Variants in CNTN6 observed in about 807,000 individuals in gnomAD.
CNTN6 encodes contactin 6, also known as contactin-6.
In CNTN6, 137 loss-of-function variants were observed where a neutral mutation model predicts 122.8. The observed-to-expected ratio is 1.12, with a 90% CI of 0.97 to 1.29. The LOEUF is 1.29. Among genes scored for constraint, CNTN6 ranks in the 50% most tolerant of loss-of-function variants. The pLI is 0.00. For missense variants in CNTN6, 1,634 were observed against 1,223.4 expected, an observed-to-expected ratio of 1.34 and a Z score of -5.01; for synonymous variants, 570 against 426.0, an observed-to-expected ratio of 1.34 and a Z score of -4.16.
intron 4 of CNTN6, among the ~76,000 whole-genome samples, chr3:1,230,286 C>T (rs1231581176): frequency 3.3e-5 from 5 of 152,050 alleles, no homozygotes; most frequent in Admixed American, 3.3e-4. Flanking sequence ...TTCTTAACAA[C>T]GTTAAGCTTC....
intron 12 of CNTN6, among the ~76,000 whole-genome samples, chr3:1,361,490 A>G (rs767920603): frequency 2.0e-5 from 3 of 152,282 alleles, no homozygotes; most frequent in African/African-American, 7.2e-5. Flanking sequence ...ATGATTGAAT[A>G]AACAATTAGT....
At chr3:1,366,328 T>G (rs553190116) in intron 12 of CNTN6, among the ~76,000 whole-genome samples, 18 of 152,290 alleles carry the variant, frequency 1.2e-4, no homozygotes, top group Non-Finnish European at 2.4e-4. Flanking sequence ...ACTTTCCTCC[T>G]TTTTAATTTG....
In CNTN6 at chr3:1,291,606, G is replaced by T. The variant is rs17037225; in HGVS notation, c.455-3995G>T. On this transcript the variant is annotated intron_variant, in intron 5 of 22. Transcript: ENST00000446702. Reference sequence around the variant, plus strand: ...AAGATTGTCTTTGTTTCACAAAAAGGTTCAAAAGATGAGGAGTCAATGACA... The same window carrying T: ...AAGATTGTCTTTGTTTCACAAAAAGTTTCAAAAGATGAGGAGTCAATGACA... Among the ~76,000 whole-genome samples the T allele has an allele frequency of 1.0e-2, 1,517 of 152,254 alleles. 33 individuals carry two copies. Among genetic ancestry groups the T allele is most frequent in the African/African-American group, 0.035 (1,444 of 41,562 alleles).
intron 12 of CNTN6, among the ~76,000 whole-genome samples, chr3:1,358,539 G>A (rs956186338): frequency 4.0e-5 from 6 of 151,602 alleles, no homozygotes; most frequent in African/African-American, 1.5e-4. Context: ...TCAGTCTCTG[G>A]ATCCTGAATA....
intron 1 of CNTN6, among the ~76,000 whole-genome samples, chr3:1,103,054 C>A (rs541857156): frequency 0.024 from 3,339 of 141,686 alleles, 46 homozygotes; most frequent in Admixed American, 0.03. Flanking sequence ...TGCAGTGAGC[C>A]AAGATGGCGC....
intron 11 of CNTN6, among the ~76,000 whole-genome samples, chr3:1,338,172 CAAAG>C (rs1021609854): frequency 8.6e-5 from 13 of 152,026 alleles, no homozygotes; most frequent in African/African-American, 2.9e-4. Context: ...TAGGAGAAAA[CAAAG>C]AAGTTTCACA....
chr3:1,102,985 G>A (rs9821388), intron 1 of CNTN6, among the ~76,000 whole-genome samples: 11,369 of 140,482 alleles, frequency 0.081, 1,285 homozygotes, highest in African/African-American at 0.25. Flanking sequence ...CGGCGCCTGT[G>A]GTCCCAGCTA....
At chr3:1,214,972 C>T (rs534768338) in intron 2 of CNTN6, among the ~76,000 whole-genome samples, 325 of 152,176 alleles carry the variant, frequency 2.1e-3, no homozygotes, top group African/African-American at 7.3e-3. Flanking sequence ...TACCCAGGCT[C>T]GGTCTCAAAC....
At chr3:1,268,425 G>A (rs545858532) in intron 4 of CNTN6, among the ~76,000 whole-genome samples, 1 of 152,040 alleles carries the variant, frequency 6.6e-6, no homozygotes, top group Admixed American at 6.5e-5. Flanking sequence ...GGTTAATGTG[G>A]TGAAACCCCG....
intron 19 of CNTN6, among the ~76,000 whole-genome samples, chr3:1,384,630 G>C (rs1374774018): frequency 8.7e-5 from 13 of 149,478 alleles, no homozygotes; most frequent in Admixed American, 8.0e-4. Flanking sequence ...TTTGGATTTA[G>C]AATAAATGTA....
At chr3:1,180,344 C>G (rs2093531326) in intron 2 of CNTN6, among the ~76,000 whole-genome samples, 2 of 152,182 alleles carry the variant, frequency 1.3e-5, no homozygotes, top group Non-Finnish European at 2.9e-5. Flanking sequence ...TGTTGACACA[C>G]AGGCAGTGCT....
At chr3:1,238,999 C>T (rs565861600) in intron 4 of CNTN6, among the ~76,000 whole-genome samples, 2 of 152,080 alleles carry the variant, frequency 1.3e-5, no homozygotes, top group South Asian at 2.1e-4. Flanking sequence ...TTATTGAAGG[C>T]TACTATGAAC....
At chr3:1,338,517 T>C (rs1199632395) in intron 11 of CNTN6, among the ~76,000 whole-genome samples, 1 of 152,178 alleles carries the variant, frequency 6.6e-6, no homozygotes, top group Non-Finnish European at 1.5e-5. Context: ...ATTTTATCTC[T>C]GTTCCACCCC....
intron 4 of CNTN6, among the ~76,000 whole-genome samples, chr3:1,239,920 T>C (rs942487934): frequency 6.6e-6 from 1 of 152,058 alleles, no homozygotes; most frequent in Admixed American, 6.6e-5. Flanking sequence ...ATATGCAGTG[T>C]GGAAAGGACA....
At chr3:1,224,904 C>T (rs2094259590) in intron 3 of CNTN6, among the ~76,000 whole-genome samples, 1 of 152,084 alleles carries the variant, frequency 6.6e-6, no homozygotes, top group African/African-American at 2.4e-5. Context: ...TGCCACTATG[C>T]CCGGCTAATT....
At chr3:1,101,661 A>C (rs992325908) in intron 1 of CNTN6, among the ~76,000 whole-genome samples, 3 of 152,172 alleles carry the variant, frequency 2.0e-5, no homozygotes, top group Non-Finnish European at 4.4e-5. Context: ...TATATAATCT[A>C]ATAAGAAATG....
intron 1 of CNTN6, among the ~76,000 whole-genome samples, chr3:1,112,602 T>C (rs997112734): frequency 6.6e-6 from 1 of 152,166 alleles, no homozygotes; most frequent in African/African-American, 2.4e-5. Context: ...GATAGGATTG[T>C]GCCCACCCAC....
At chr3:1,131,441 G>A (rs575604916) in intron 1 of CNTN6, among the ~76,000 whole-genome samples, 1 of 151,876 alleles carries the variant, frequency 6.6e-6, no homozygotes, top group South Asian at 2.1e-4. Flanking sequence ...TTGAGTTAAT[G>A]GGAGTATGAG....
intron 11 of CNTN6, among the ~76,000 whole-genome samples, chr3:1,334,907 A>G (rs1016450024): frequency 6.6e-6 from 1 of 152,170 alleles, no homozygotes; most frequent in Non-Finnish European, 1.5e-5. Flanking sequence ...CGATGGTATG[A>G]TTATTCATTT....
Sources: allele counts gnomAD v4.1 joint callset (sites outside exome capture counted in the v4.1 genomes callset), GRCh38; gene constraint gnomAD v4.1.1; transcripts MANE v1.5; gene names NCBI Gene and HGNC (gene_info 2026-07-23, HGNC 2026-07-21).